Variants in SSUH2 observed in about 807,000 individuals in gnomAD.
SSUH2 encodes the protein ssu-2 homolog.
A neutral mutation model predicts 55.3 loss-of-function variants in SSUH2; 47 were observed. The ratio of observed to expected loss-of-function variants is 0.85; its 90% CI spans 0.67 to 1.08. SSUH2 has a LOEUF of 1.08. Ranked by LOEUF, SSUH2 falls within the 50% of genes least tolerant of loss-of-function variation. The pLI, the probability that SSUH2 is intolerant of heterozygous loss-of-function variation, is 0.00. For missense variants in SSUH2, 535 were observed against 490.7 expected (o/e 1.09, Z -0.85); for synonymous variants, 212 against 191.5 (o/e 1.11, Z -0.89).
intron 5 of SSUH2, among the ~76,000 whole-genome samples, chr3:8,664,426 A>G (rs910062753): frequency 1.3e-5 from 2 of 152,204 alleles, no homozygotes; most frequent in Non-Finnish European, 1.5e-5. Flanking sequence ...GGAGGCCCCA[A>G]TTTGGAGCAT....
intron 5 of SSUH2, chr3:8,664,015 T>A (rs1046834497): frequency 1.4e-5 from 5 of 349,400 alleles, no homozygotes; most frequent in Non-Finnish European, 2.9e-5. Flanking sequence ...AGACCCAGGT[T>A]ATTTCTCTCC....
chr3:8,627,640 G>C, intron 8 of SSUH2, 58 bp downstream of exon 8: 1 of 1,409,436 alleles, frequency 7.1e-7, no homozygotes, highest in South Asian at 1.5e-5. Flanking sequence ...AGATGGGCAG[G>C]CAATGAAAAG....
intron 3 of SSUH2, 49 bp from the exon 4 acceptor site, chr3:8,633,844 G>A (rs1451641164): frequency 1.2e-6 from 2 of 1,613,272 alleles, no homozygotes; most frequent in Admixed American, 1.7e-5. Context: ...AGGGCCTGTG[G>A]ACTCACGCGG....
rs1559258543 is a variant in SSUH2, at chr3:8,620,015, C to T, written c.982-1G>A. ...GGGGGATCAGCTCAATGGTCTGGCG[C>T]TGAGGAAACAAATAGCCAAGGAAAA... On this transcript the variant is annotated splice_acceptor_variant, in intron 11 of 11. Coordinates refer to ENST00000544814, the MANE Select transcript of SSUH2 (RefSeq NM_001256748.3). LOFTEE classifies it high-confidence loss of function. The T allele has an allele frequency of 5.6e-6, 9 of 1,613,782 alleles. No individual in the cohort carries two copies. The highest frequency in any genetic ancestry group is 7.6e-6 in the Non-Finnish European group (9 of 1,179,810).
At chr3:8,672,304 T>A (rs1704674151) in intron 3 of SSUH2, among the ~76,000 whole-genome samples, 1 of 152,018 alleles carries the variant, frequency 6.6e-6, no homozygotes, top group African/African-American at 2.4e-5. Context: ...GTACACACCC[T>A]GTGCTATTAA....
chr3:8,663,179 T>C (rs1703664262), intron 6 of SSUH2, among the ~76,000 whole-genome samples: 1 of 152,226 alleles, frequency 6.6e-6, no homozygotes, highest in African/African-American at 2.4e-5. Context: ...ATTATCCCCA[T>C]TTTACAGCTC....
intron 7 of SSUH2, among the ~76,000 whole-genome samples, chr3:8,655,654 A>G (rs1575305479): frequency 1.3e-5 from 2 of 152,330 alleles, no homozygotes; most frequent in South Asian, 4.2e-4. Flanking sequence ...TATGCACACA[A>G]ACTAGTCGGA....
chr3:8,654,513 C>T (rs781775376), intron 7 of SSUH2, among the ~76,000 whole-genome samples: 12 of 152,252 alleles, frequency 7.9e-5, no homozygotes, highest in Non-Finnish European at 1.6e-4. Flanking sequence ...CCTGCAGTTA[C>T]ACTGCTGTGG....
chr3:8,637,560 G>A (rs1473330613), intron 1 of SSUH2, among the ~76,000 whole-genome samples: 1 of 152,198 alleles, frequency 6.6e-6, no homozygotes, highest in East Asian at 1.9e-4. Flanking sequence ...AGGTCACACA[G>A]CTGTGGAGTT....
intron 7 of SSUH2, among the ~76,000 whole-genome samples, chr3:8,656,200 G>A (rs1013232136): frequency 6.6e-6 from 1 of 152,210 alleles, no homozygotes; most frequent in Admixed American, 6.5e-5. Context: ...GTTTGAAATT[G>A]AGAAACTTAA....
chr3:8,664,730 C>T (rs920985091), intron 5 of SSUH2, among the ~76,000 whole-genome samples: 2 of 152,216 alleles, frequency 1.3e-5, no homozygotes, highest in African/African-American at 2.4e-5. Flanking sequence ...TGCCTTCCAA[C>T]GGGCCCTTGG....
rs138798625 is a variant in SSUH2, at chr3:8,654,843, T to G, written c.-307+4082A>C. 3.3e-3 allele frequency among the ~76,000 whole-genome samples: 492 copies of G among 148,796 alleles called. 6 individuals carry two copies. Among genetic ancestry groups the G allele is most frequent in the African/African-American group, 8.0e-3 (319 of 40,056 alleles). ...TGGCCTCTTCCCCCAAATCTCAGTG[T>G]GTGGCCTCCCCCAGATCTCAGTGTG... On this transcript the variant is annotated intron_variant, in intron 7 of 18. Transcript: ENST00000317371.
chr3:8,633,921 T>A, intron 3 of SSUH2, 126 bp from the exon 4 acceptor site: 1 of 1,613,892 alleles, frequency 6.2e-7, no homozygotes, highest in Non-Finnish European at 8.5e-7. Flanking sequence ...CCCTCAGCAG[T>A]CCAACTGGGG....
chr3:8,678,295 G>C (rs1175734567), intron 2 of SSUH2, among the ~76,000 whole-genome samples: 3 of 152,052 alleles, frequency 2.0e-5, no homozygotes, highest in Non-Finnish European at 2.9e-5. Context: ...ATATTGGGAA[G>C]AATATCACAG....
intron 2 of SSUH2, 53 bp downstream of exon 2, chr3:8,635,706 C>A: frequency 2.8e-6 from 4 of 1,447,868 alleles, no homozygotes; most frequent in East Asian, 2.5e-5. Context: ...ATCCCACCAA[C>A]CAGCGTGAGC....
Position 8,626,300 on chromosome 3 carries a change from T to C in SSUH2, c.696A>G (p.Arg232=). The change falls in exon 9 of 12, where the codon AGA becomes AGG. Residue 232 remains arginine, a synonymous_variant. Coordinates refer to ENST00000544814, the MANE Select transcript of SSUH2 (RefSeq NM_001256748.3). ...GRRRCSTCSG[R]GNKTCATCKG... The stretch of plus-strand genomic sequence containing the variant: ...TGCAGGTGGCGCAGGTCTTGTTCCC[T>C]CTCCCTGAGCAAGTGCTGCATCTGA... 1 of 1,613,930 alleles carries C rather than the reference T, an allele frequency of 6.2e-7. No individual in the cohort carries two copies. The highest frequency in any genetic ancestry group is 1.3e-5 in the African/African-American group (1 of 75,006).
At chr3:8,638,912 G>A (rs1034066710) in intron 1 of SSUH2, among the ~76,000 whole-genome samples, 4 of 152,128 alleles carry the variant, frequency 2.6e-5, no homozygotes, top group Non-Finnish European at 5.9e-5. Context: ...AATACCATTC[G>A]GCTGCAATGT....
chr3:8,627,683 G>T lies in SSUH2; in HGVS notation c.674+15C>A, dbSNP rs777431535. 15 of 1,412,536 alleles carry T rather than the reference G, an allele frequency of 1.1e-5. No individual in the cohort carries two copies. Among genetic ancestry groups the T allele is most frequent in the East Asian group, 5.4e-5 (2 of 36,882 alleles). 87.5% of individuals were successfully genotyped at this position (1,412,536 alleles called of 1,614,324 possible). A position where few individuals can be genotyped will look rare whatever the true frequency, so the allele number is the denominator to read the frequency against. On this transcript the variant is annotated intron_variant, in intron 8 of 11. Coordinates refer to ENST00000544814, the MANE Select transcript of SSUH2 (RefSeq NM_001256748.3). The stretch of plus-strand genomic sequence containing the variant: ...GCAAGAGCACTTCACCGCGGTGCTG[G>T]GGAGATGCCCCTACCTTCGCCTGCC...
At chr3:8,633,350 G>C (rs1228100919) in intron 4 of SSUH2, among the ~76,000 whole-genome samples, 1 of 152,082 alleles carries the variant, frequency 6.6e-6, no homozygotes, top group Non-Finnish European at 1.5e-5. Context: ...CACCATGTTA[G>C]TCAGGCTGGT....
Sources: gnomAD v4.1 joint callset for allele counts (sites outside exome capture counted in the v4.1 genomes callset) on GRCh38, gnomAD v4.1.1 for gene constraint, MANE v1.5 for transcripts, NCBI Gene and HGNC (gene_info 2026-07-23, HGNC 2026-07-21) for gene names.